GTF2I: variants seen among roughly 807,000 people sequenced by gnomAD.
GTF2I encodes the protein general transcription factor IIi.
In GTF2I, 12 loss-of-function variants were observed where a neutral mutation model predicts 67.6. That is an observed-to-expected ratio of 0.18 (90% CI 0.11 to 0.29). The LOEUF is 0.29. Among genes scored for constraint, GTF2I ranks in the 10% least tolerant of loss-of-function variants. The pLI is 1.00. For synonymous variants in GTF2I, 149 were observed against 197.0 expected (o/e 0.76, Z 2.04); for missense variants, 271 against 580.1 (o/e 0.47, Z 5.47).
At chr7:74,683,028 TA>T (rs35829955) in intron 1 of GTF2I, among the ~76,000 whole-genome samples, 119,003 of 152,038 alleles carry the variant, frequency 0.78, 46,742 homozygotes, top group East Asian at 0.94. Flanking sequence ...GCTAAAAGGA[TA>T]AAGTGATGAC....
At chr7:74,722,881 T>TA (rs1371363007) in intron 12 of GTF2I, 2 of 152,054 alleles carry the variant, frequency 1.3e-5, no homozygotes, top group African/African-American at 2.4e-5. Flanking sequence ...ATTATATATG[T>TA]AAAAAAAGGA....
chr7:74,717,041 G>A (rs782563811), intron 11 of GTF2I, 91 bp downstream of exon 11: 14 of 1,478,758 alleles, frequency 9.5e-6, no homozygotes, highest in Non-Finnish European at 1.3e-5. Context: ...CACCTTATTT[G>A]GAAATAAAAG....
intron 1 of GTF2I, among the ~76,000 whole-genome samples, chr7:74,685,500 A>G (rs1369899060): frequency 1.3e-5 from 2 of 152,018 alleles, no homozygotes; most frequent in Admixed American, 6.6e-5. Flanking sequence ...CTGTCTCAAA[A>G]CAAAAACAAA....
intron 12 of GTF2I, among the ~76,000 whole-genome samples, chr7:74,720,201 C>T (rs1316352417): frequency 6.6e-6 from 1 of 152,182 alleles, no homozygotes; most frequent in Non-Finnish European, 1.5e-5. Flanking sequence ...TTACATATTC[C>T]ATAGGCCTCC....
In GTF2I at chr7:74,728,237, G is replaced by A. The variant is rs1365547452; in HGVS notation, c.944-549G>A. Among the ~76,000 whole-genome samples the A allele has an allele frequency of 2.0e-5, 3 of 152,162 alleles. No homozygotes were observed. The East Asian group carries it at 5.8e-4, about 29-fold the overall frequency. ...GAATCGCTTGAGCCCAGGAGGTGGAGGTTGCAGTGAGCCAAGATTGCATCA... is the reference window on the plus strand; with the variant it reads ...GAATCGCTTGAGCCCAGGAGGTGGAAGTTGCAGTGAGCCAAGATTGCATCA... On this transcript the variant is annotated intron_variant, in intron 12 of 34. Coordinates refer to ENST00000573035, the MANE Select transcript of GTF2I (RefSeq NM_032999.4).
intron 3 of GTF2I, among the ~76,000 whole-genome samples, chr7:74,697,933 T>C (rs587735473): frequency 2.5e-4 from 16 of 64,302 alleles, no homozygotes; most frequent in Non-Finnish European, 4.7e-4. Context: ...CATGCCCAGC[T>C]AATTTTTGTA....
At chr7:74,706,803 A>G (rs1790773610) in intron 8 of GTF2I, among the ~76,000 whole-genome samples, 1 of 152,096 alleles carries the variant, frequency 6.6e-6, no homozygotes, top group Admixed American at 6.5e-5. Flanking sequence ...TCCACTCTCC[A>G]AGGAGACCAT....
chr7:74,702,546 A>G (rs1266768047), intron 6 of GTF2I, among the ~76,000 whole-genome samples: 1 of 152,116 alleles, frequency 6.6e-6, no homozygotes, highest in Non-Finnish European at 1.5e-5. Flanking sequence ...AGAAACTGAC[A>G]AGCTGTTTTC....
chr7:74,670,235 T>G (rs1333627238), intron 1 of GTF2I, among the ~76,000 whole-genome samples: 1 of 152,226 alleles, frequency 6.6e-6, no homozygotes, highest in Non-Finnish European at 1.5e-5. Flanking sequence ...AAGGTAAGTA[T>G]GCAGACTGTT....
intron 6 of GTF2I, among the ~76,000 whole-genome samples, chr7:74,701,231 C>T (rs587612887): frequency 6.6e-6 from 1 of 152,212 alleles, no homozygotes; most frequent in East Asian, 1.9e-4. Flanking sequence ...GAAGGGAAAA[C>T]AGGATAAAGA....
chr7:74,722,818 C>A (rs1793203166), intron 12 of GTF2I: 1 of 152,090 alleles, frequency 6.6e-6, no homozygotes, highest in Admixed American at 6.5e-5. Context: ...CGTTGGAAAA[C>A]TTCTGTGTTT....
intron 3 of GTF2I, among the ~76,000 whole-genome samples, chr7:74,695,974 T>A (rs1192614834): frequency 6.6e-5 from 10 of 152,084 alleles, no homozygotes; most frequent in Non-Finnish European, 1.3e-4. Context: ...TCAGTATTCA[T>A]ACTTTGTTTT....
intron 6 of GTF2I, among the ~76,000 whole-genome samples, chr7:74,703,654 A>G (rs1031579026): frequency 5.9e-5 from 9 of 152,240 alleles, no homozygotes; most frequent in Admixed American, 5.9e-4. Flanking sequence ...TGCTGGGATT[A>G]TAGGCGTGAG....
At chr7:74,663,820 CATTTT>C (rs1804727462) in intron 1 of GTF2I, among the ~76,000 whole-genome samples, 1 of 151,904 alleles carries the variant, frequency 6.6e-6, no homozygotes, top group Non-Finnish European at 1.5e-5. Context: ...TTTTTTATTG[CATTTT>C]ATTTTATTAT....
intron 13 of GTF2I, chr7:74,729,119 GTTAA>G (rs1437425469): frequency 6.0e-5 from 3 of 50,304 alleles, no homozygotes; most frequent in Admixed American, 4.5e-4. Flanking sequence ...CTTGTCTGAT[GTTAA>G]TTAGTCAGCT....
chr7:74,663,233 C>T (rs782265585), intron 1 of GTF2I, among the ~76,000 whole-genome samples: 2 of 152,070 alleles, frequency 1.3e-5, no homozygotes, highest in Non-Finnish European at 2.9e-5. Context: ...ATTGTTTTAC[C>T]ACTGGCTTAA....
chr7:74,660,080 TCTC>T (rs1804333712), intron 1 of GTF2I, among the ~76,000 whole-genome samples: 2 of 152,106 alleles, frequency 1.3e-5, no homozygotes, highest in Non-Finnish European at 1.5e-5. Flanking sequence ...GGCTTTCGTT[TCTC>T]CTCCTCCTTG....
At chr7:74,689,815 A>G (rs888270589) in intron 2 of GTF2I, among the ~76,000 whole-genome samples, 3 of 151,936 alleles carry the variant, frequency 2.0e-5, no homozygotes, top group African/African-American at 7.3e-5. Flanking sequence ...CCCTGGGTTC[A>G]AGTGATTCTC....
chr7:74,657,737 CAGAGA>C lies in GTF2I; in HGVS notation c.-335_-331del, dbSNP rs1477947559. ...GAGGGTGAGAGAGAAGCTGGGAGAG[CAGAGA>C]AAAGGGGCCACCGGTCGCCCCCCCG... On this transcript the variant is annotated 5_prime_UTR_variant, in exon 1 of 35. Coordinates refer to ENST00000573035, the MANE Select transcript of GTF2I (RefSeq NM_032999.4). 1 of 148,084 alleles carries C rather than the reference CAGAGA, an allele frequency of 6.8e-6. No homozygotes were observed. Among genetic ancestry groups the C allele is most frequent in the Non-Finnish European group, 1.5e-5 (1 of 67,388 alleles). The allele number at this position is 148,084 out of a possible 1,614,324, so 9.2% of individuals were successfully genotyped here.
Sources: allele counts gnomAD v4.1 joint callset (sites outside exome capture counted in the v4.1 genomes callset), GRCh38; gene constraint gnomAD v4.1.1; transcripts MANE v1.5; gene names NCBI Gene and HGNC (gene_info 2026-07-23, HGNC 2026-07-21).